Variants in SEMA6D observed in about 807,000 individuals in gnomAD.
The protein encoded by SEMA6D is semaphorin-6D.
In SEMA6D, 35 loss-of-function variants were observed where a neutral mutation model predicts 106.6. The observed-to-expected ratio is 0.33, with a 90% CI of 0.25 to 0.44. SEMA6D has a LOEUF of 0.44. Ranked by LOEUF, SEMA6D falls within the 20% of genes least tolerant of loss-of-function variation. The pLI is 1.00. For synonymous variants in SEMA6D, 499 were observed against 487.7 expected (o/e 1.02, Z -0.31); for missense variants, 1,185 against 1,345.9 (o/e 0.88, Z 1.87).
intron 1 of SEMA6D, among the ~76,000 whole-genome samples, chr15:47,196,501 G>A (rs543148753): frequency 7.9e-5 from 12 of 152,262 alleles, no homozygotes; most frequent in Admixed American, 2.0e-4. Flanking sequence ...TGGGGAAATT[G>A]AGCAGTTTTA....
At chr15:47,374,338 T>C (rs966352907) in intron 1 of SEMA6D, among the ~76,000 whole-genome samples, 1 of 152,146 alleles carries the variant, frequency 6.6e-6, no homozygotes, top group African/African-American at 2.4e-5. Context: ...TCCTTGCATC[T>C]GTTAAAGGGA....
At chr15:47,225,722 G>GT (rs1386925923) in intron 1 of SEMA6D, among the ~76,000 whole-genome samples, 2 of 151,638 alleles carry the variant, frequency 1.3e-5, no homozygotes, top group African/African-American at 4.8e-5. Flanking sequence ...TAGAGATGGG[G>GT]TTTCTCCGTG....
intron 1 of SEMA6D, among the ~76,000 whole-genome samples, chr15:47,724,383 A>G (rs1396767473): frequency 6.6e-6 from 1 of 152,246 alleles, no homozygotes; most frequent in Non-Finnish European, 1.5e-5. Context: ...TGCTGTAGGA[A>G]AAACAAGGTG....
chr15:47,623,324 A>C (rs1425845043), intron 4 of SEMA6D, among the ~76,000 whole-genome samples: 1 of 152,196 alleles, frequency 6.6e-6, no homozygotes, highest in East Asian at 1.9e-4. Flanking sequence ...ACATTCATTG[A>C]GTGCTTATTT....
rs181490271 is a variant in SEMA6D, at chr15:47,376,688, G to A, written c.-238-35705G>A. ...GACAATGGGAAGCTGGGGAGCACTG[G>A]CTCTTTATTAGGTTACACGTTACTG... is the stretch of plus-strand genomic sequence containing the variant. On this transcript the variant is annotated intron_variant, in intron 1 of 19. Coordinates refer to the SEMA6D transcript ENST00000558014. Among the ~76,000 whole-genome samples, 551 of 152,280 alleles carry A rather than the reference G, an allele frequency of 3.6e-3. 3 individuals carry two copies. Among genetic ancestry groups the A allele is most frequent in the Non-Finnish European group, 4.2e-3 (284 of 68,028 alleles).
chr15:47,512,159 C>T (rs765054081), intron 3 of SEMA6D, among the ~76,000 whole-genome samples: 2 of 152,110 alleles, frequency 1.3e-5, no homozygotes, highest in African/African-American at 2.4e-5. Flanking sequence ...TTTAGATGTG[C>T]TGTTAGGTTA....
intron 4 of SEMA6D, among the ~76,000 whole-genome samples, chr15:47,673,420 C>G (rs79791203): frequency 3.0e-3 from 450 of 152,308 alleles, no homozygotes; most frequent in African/African-American, 0.01. Flanking sequence ...TCCTCCTTCC[C>G]TTCTCCAACT....
At chr15:47,425,919 G>T (rs2041322296) in intron 2 of SEMA6D, among the ~76,000 whole-genome samples, 1 of 151,936 alleles carries the variant, frequency 6.6e-6, no homozygotes, top group Non-Finnish European at 1.5e-5. Flanking sequence ...ATAAACACCT[G>T]TTCTAATTAC....
intron 4 of SEMA6D, among the ~76,000 whole-genome samples, chr15:47,664,182 A>T (rs1347771566): frequency 6.6e-6 from 1 of 152,166 alleles, no homozygotes; most frequent in Non-Finnish European, 1.5e-5. Context: ...CTCAACTATC[A>T]TACATTTATA....
At chr15:47,558,299 G>A (rs760520206) in intron 3 of SEMA6D, among the ~76,000 whole-genome samples, 1 of 152,002 alleles carries the variant, frequency 6.6e-6, no homozygotes, top group Non-Finnish European at 1.5e-5. Context: ...TATGTCAATT[G>A]TATACCAAGA....
chr15:47,766,764 G>A, intron 16 of SEMA6D, 87 bp downstream of exon 16: 1 of 916,692 alleles, frequency 1.1e-6, no homozygotes, highest in African/African-American at 1.6e-5. Flanking sequence ...TCTTTTTAAT[G>A]ACTCAGGACA....
chr15:47,359,796 C>T (rs978016478), intron 1 of SEMA6D: 3 of 152,142 alleles, frequency 2.0e-5, no homozygotes, highest in Admixed American at 6.5e-5. Context: ...TAGCTCCAAT[C>T]TTACGGAAGG....
chr15:47,423,664 A>G (rs1322250565), intron 2 of SEMA6D, among the ~76,000 whole-genome samples: 1 of 152,106 alleles, frequency 6.6e-6, no homozygotes, highest in East Asian at 1.9e-4. Flanking sequence ...GATATACAAT[A>G]ATGTGTCTTG....
chr15:47,654,572 TG>T (rs1218493864), intron 4 of SEMA6D, among the ~76,000 whole-genome samples: 1 of 152,218 alleles, frequency 6.6e-6, no homozygotes, highest in Non-Finnish European at 1.5e-5. Context: ...TTCCCAATGT[TG>T]GCGATTGGGC....
At chr15:47,626,393 C>A (rs939179594) in intron 4 of SEMA6D, among the ~76,000 whole-genome samples, 1 of 152,168 alleles carries the variant, frequency 6.6e-6, no homozygotes, top group African/African-American at 2.4e-5. Context: ...ACTGCTACTT[C>A]CACTCAGAAG....
rs771079242 is a variant in SEMA6D at position 47,771,401 on chromosome 15, TG to T, written c.2839del (p.Val947SerfsTer9). On this transcript the variant is annotated frameshift_variant, in exon 19 of 19. Transcript: ENST00000536845. LOFTEE classifies it high-confidence loss of function. ...PRNSPTKRVDVPTTPGVPMTS... is the reference protein window; with the variant it reads ...PRNSPTKRVDXPTTPGVPMTS... The stretch of plus-strand genomic sequence containing the variant: ...GAAATAGCCCAACCAAGCGAGTGGA[TG>T]TCCCCACCACTCCTGGAGTCCCAAT... 1 of 1,614,042 alleles carries T rather than the reference TG, an allele frequency of 6.2e-7. No individual in the cohort carries two copies. The highest frequency in any genetic ancestry group is 1.7e-5 in the Admixed American group (1 of 60,014).
chr15:47,281,747 A>G (rs1947804744), intron 1 of SEMA6D, among the ~76,000 whole-genome samples: 1 of 152,128 alleles, frequency 6.6e-6, no homozygotes, highest in Non-Finnish European at 1.5e-5. Flanking sequence ...TGGAAAACCA[A>G]AATATTCATG....
At chr15:47,702,669 A>G (rs1478252130) in intron 4 of SEMA6D, among the ~76,000 whole-genome samples, 1 of 152,218 alleles carries the variant, frequency 6.6e-6, no homozygotes, top group Non-Finnish European at 1.5e-5. Flanking sequence ...GGACCATGGA[A>G]TATTATTCAA....
At chr15:47,539,260 G>A (rs1249476827) in intron 3 of SEMA6D, among the ~76,000 whole-genome samples, 2 of 152,130 alleles carry the variant, frequency 1.3e-5, no homozygotes, top group African/African-American at 4.8e-5. Context: ...TGTGTTGCTA[G>A]CTAACATATC....
Sources: gnomAD v4.1 joint callset for allele counts (sites outside exome capture counted in the v4.1 genomes callset) on GRCh38, gnomAD v4.1.1 for gene constraint, MANE v1.5 for transcripts, NCBI Gene and HGNC (gene_info 2026-07-23, HGNC 2026-07-21) for gene names.